ANGPT4: variants seen among roughly 807,000 people sequenced by gnomAD.
ANGPT4 encodes the protein angiopoietin-4.
Under a neutral mutation model 53.0 loss-of-function variants are expected in ANGPT4, and 50 were observed. That is an observed-to-expected ratio of 0.94 (90% CI 0.75 to 1.20). The LOEUF is 1.20. Ranked by LOEUF, ANGPT4 falls within the 50% of genes most tolerant of loss-of-function variation. The pLI is 0.00. For missense variants in ANGPT4, 648 were observed against 637.1 expected, an observed-to-expected ratio of 1.02 and a Z score of -0.18; for synonymous variants, 251 against 259.7, an observed-to-expected ratio of 0.97 and a Z score of 0.32.
intron 1 of ANGPT4, among the ~76,000 whole-genome samples, chr20:890,995 G>C (rs1981824056): frequency 1.3e-5 from 2 of 152,158 alleles, no homozygotes. Context: ...CTTTTTATCT[G>C]TCTGTTGTCT....
rs2297122 is a variant in ANGPT4 at position 874,164 on chromosome 20, C to A, written c.1351+120G>T. ...CAGGTGAGCTTATGGGTGGGCAAGGCCCAGACCTGCACCCATCCTCCTGAC... is the reference window on the plus strand; with the variant it reads ...CAGGTGAGCTTATGGGTGGGCAAGGACCAGACCTGCACCCATCCTCCTGAC... On this transcript the variant is annotated intron_variant, in intron 8 of 8. Coordinates refer to ENST00000381922, the MANE Select transcript of ANGPT4 (RefSeq NM_015985.4). 21 of 1,476,568 alleles carry A rather than the reference C, an allele frequency of 1.4e-5. 1 individual carries two copies. The highest frequency in any genetic ancestry group is 1.4e-5 in the Non-Finnish European group (15 of 1,083,634). 91.5% of individuals were successfully genotyped at this position (1,476,568 alleles called of 1,614,324 possible).
At chr20:882,424 G>A (rs984798992) in intron 4 of ANGPT4, among the ~76,000 whole-genome samples, 1 of 152,194 alleles carries the variant, frequency 6.6e-6, no homozygotes, top group African/African-American at 2.4e-5. Flanking sequence ...GGCTACCACA[G>A]GGTGGGACTT....
chr20:909,794 G>A (rs1982628756), intron 1 of ANGPT4, among the ~76,000 whole-genome samples: 1 of 152,248 alleles, frequency 6.6e-6, no homozygotes, highest in African/African-American at 2.4e-5. Flanking sequence ...CTCGGCTTCT[G>A]TGGGATTTGC....
rs561962837 is a variant in ANGPT4 at position 881,431 on chromosome 20, G to A, written c.836-145C>T. The A allele has an allele frequency of 1.8e-4, 126 of 712,906 alleles. 3 individuals carry two copies. Among genetic ancestry groups the A allele is most frequent in the African/African-American group, 1.5e-3 (85 of 57,410 alleles). The allele number at this position is 712,906 out of a possible 1,614,324, so 44.2% of individuals were successfully genotyped here. On this transcript the variant is annotated intron_variant, in intron 4 of 8. Transcript: ENST00000381922. ...GATGAGTCAGACCTGGGAAGATTTC[G>A]TAGAGGAGGTGACAGTAAGCTGGAA...
At chr20:905,147 C>T (rs946775675) in intron 1 of ANGPT4, among the ~76,000 whole-genome samples, 3 of 152,196 alleles carry the variant, frequency 2.0e-5, no homozygotes, top group East Asian at 1.9e-4. Context: ...GAGAAGCATT[C>T]CCTGACCACC....
intron 1 of ANGPT4, among the ~76,000 whole-genome samples, chr20:892,941 C>T (rs1464888259): frequency 1.3e-5 from 2 of 152,210 alleles, no homozygotes; most frequent in Admixed American, 6.5e-5. Flanking sequence ...TGGATGGCCA[C>T]TCCCTGTTGC....
intron 1 of ANGPT4, among the ~76,000 whole-genome samples, chr20:899,462 C>T (rs928247966): frequency 1.3e-5 from 2 of 151,994 alleles, no homozygotes; most frequent in East Asian, 1.9e-4. Context: ...ACCGTGTTAG[C>T]CAGGATATTC....
At chr20:876,918 A>G (rs151112621) in intron 7 of ANGPT4, among the ~76,000 whole-genome samples, 1,631 of 152,302 alleles carry the variant, frequency 0.011, 33 homozygotes, top group African/African-American at 0.037. Context: ...ATGGTAGTGC[A>G]TGCCTGTAAT....
Position 890,373 on chromosome 20 carries a change from G to C in ANGPT4, c.310-5C>G. 6.2e-7 allele frequency: 1 copy of C among 1,607,766 alleles called. No individual in the cohort carries two copies. Among genetic ancestry groups the C allele is most frequent in the African/African-American group, 1.3e-5 (1 of 75,008 alleles). ...CGTCTTGATGGCCCTCTCTAGCTGT[G>C]GGAGACCATGGGCTGGGGTCACGGG... On this transcript the variant is annotated splice_polypyrimidine_tract_variant and splice_region_variant and intron_variant, in intron 1 of 8. Coordinates refer to ENST00000381922, the MANE Select transcript of ANGPT4 (RefSeq NM_015985.4).
At chr20:894,510 C>CA (rs1981969158) in intron 1 of ANGPT4, among the ~76,000 whole-genome samples, 1 of 152,024 alleles carries the variant, frequency 6.6e-6, no homozygotes, top group Non-Finnish European at 1.5e-5. Context: ...AAATCTTAGT[C>CA]ATGGACTGCA....
intron 3 of ANGPT4, among the ~76,000 whole-genome samples, chr20:885,893 A>AAG (rs1981602536): frequency 6.6e-6 from 1 of 152,218 alleles, no homozygotes; most frequent in African/African-American, 2.4e-5. Context: ...AATGTAAATA[A>AAG]AGAGAAATGG....
intron 1 of ANGPT4, among the ~76,000 whole-genome samples, chr20:897,964 G>T (rs1025554491): frequency 6.6e-6 from 1 of 152,146 alleles, no homozygotes; most frequent in Non-Finnish European, 1.5e-5. Context: ...CATCTTACAA[G>T]ACCTGGATGA....
At chr20:891,031 C>A (rs1439054431) in intron 1 of ANGPT4, among the ~76,000 whole-genome samples, 1 of 152,206 alleles carries the variant, frequency 6.6e-6, no homozygotes, top group Non-Finnish European at 1.5e-5. Flanking sequence ...ATGTCAATTC[C>A]ATGAAGCCAG....
rs546754383 is a variant in ANGPT4, at chr20:906,688, C to T, written c.309+9218G>A. Among the ~76,000 whole-genome samples, 5 of 152,334 alleles carry T rather than the reference C, an allele frequency of 3.3e-5. No homozygotes were observed. The East Asian group carries it at 9.7e-4, about 29-fold the overall frequency. On this transcript the variant is annotated intron_variant, in intron 1 of 8. Coordinates refer to ENST00000381922, the MANE Select transcript of ANGPT4 (RefSeq NM_015985.4). The stretch of plus-strand genomic sequence containing the variant: ...CCCTCCTCCTCTGCCTTGCTTCTGT[C>T]CCCTGGGCCTGCACCAGGCCCTCAC...
chr20:895,499 G>A (rs1982010546), intron 1 of ANGPT4, among the ~76,000 whole-genome samples: 3 of 152,146 alleles, frequency 2.0e-5, no homozygotes, highest in African/African-American at 7.2e-5. Context: ...CCTTGCTGGG[G>A]AGAGGGCATT....
Position 916,164 on chromosome 20 carries a change from G to T in ANGPT4, c.51C>A (p.Ala17=). Residue 17 remains alanine, a synonymous_variant, in exon 1 of 9, where the codon GCC becomes GCA. Coordinates refer to ENST00000381922, the MANE Select transcript of ANGPT4 (RefSeq NM_015985.4). ...TTGTCTGTTGAGCCACAGACATGGT[G>T]GCAACCACAAGGAGGAGGCTGCCCT... ...MLQGSLLLVV[A]TMSVAQQTRQ... is the part of the protein sequence containing the mutation. The T allele has an allele frequency of 6.2e-7, 1 of 1,614,126 alleles. No individual in the cohort carries two copies. The highest frequency in any genetic ancestry group is 1.1e-5 in the South Asian group (1 of 91,078).
intron 1 of ANGPT4, among the ~76,000 whole-genome samples, chr20:904,826 T>C (rs1000335033): frequency 6.6e-6 from 1 of 152,148 alleles, no homozygotes; most frequent in African/African-American, 2.4e-5. Flanking sequence ...GACCAGGGTC[T>C]TGCTTTGTTG....
intron 1 of ANGPT4, among the ~76,000 whole-genome samples, chr20:910,057 C>T (rs188834391): frequency 6.6e-6 from 1 of 152,270 alleles, no homozygotes; most frequent in African/African-American, 2.4e-5. Flanking sequence ...GGGACCCATC[C>T]ACCATGGACA....
Position 874,292 on chromosome 20 carries a change from A to T in ANGPT4, c.1343T>A (p.Met448Lys). Residue 448 changes from methionine to lysine, a missense_variant, in exon 8 of 9, where the codon ATG (methionine) becomes AAG (lysine). By Grantham distance (95) the Met-to-Lys change is moderately conservative. Transcript: ENST00000381922. Reference protein sequence around the residue: ...DHCLCKCAQVMSGGWWFDACG... With the variant: ...DHCLCKCAQVKSGGWWFDACG... Reference sequence around the variant, plus strand: ...CCCCACCCTGCACCTACCTCCAGACATCACTTGGGCACACTTGCAGAGACA... The same window carrying T: ...CCCCACCCTGCACCTACCTCCAGACTTCACTTGGGCACACTTGCAGAGACA... 1 of 1,614,040 alleles carries T rather than the reference A, an allele frequency of 6.2e-7. No homozygotes were observed. Among genetic ancestry groups the T allele is most frequent in the Non-Finnish European group, 8.5e-7 (1 of 1,179,964 alleles).
Sources: gnomAD v4.1 joint callset for allele counts (sites outside exome capture counted in the v4.1 genomes callset) on GRCh38, gnomAD v4.1.1 for gene constraint, MANE v1.5 for transcripts, NCBI Gene and HGNC (gene_info 2026-07-23, HGNC 2026-07-21) for gene names.